AGAP1: variants seen among roughly 807,000 people sequenced by gnomAD.
AGAP1 encodes ArfGAP with GTPase domain, ankyrin repeat and PH domain 1.
A neutral mutation model predicts 105.3 loss-of-function variants in AGAP1; 29 were observed. The observed-to-expected ratio is 0.28, with a 90% CI of 0.21 to 0.38. AGAP1 has a LOEUF of 0.38. Ranked by LOEUF, AGAP1 falls within the 10% of genes least tolerant of loss-of-function variation. The pLI is 1.00. For synonymous variants in AGAP1, 509 were observed against 485.9 expected (o/e 1.05, Z -0.63); for missense variants, 998 against 1,165.1 (o/e 0.86, Z 2.09).
intron 11 of AGAP1, among the ~76,000 whole-genome samples, chr2:235,929,244 A>G (rs1181329739): frequency 6.6e-6 from 1 of 151,996 alleles, no homozygotes; most frequent in Non-Finnish European, 1.5e-5. Flanking sequence ...TTTTTAATTA[A>G]TGTGCACACA....
chr2:236,013,204 T>C (rs930522760), intron 13 of AGAP1, among the ~76,000 whole-genome samples: 1 of 152,238 alleles, frequency 6.6e-6, no homozygotes, highest in Non-Finnish European at 1.5e-5. Flanking sequence ...AGAATTGTAT[T>C]TGCTTCCTTA....
chr2:236,029,845 C>T (rs1402291579), intron 13 of AGAP1, among the ~76,000 whole-genome samples: 1 of 151,960 alleles, frequency 6.6e-6, no homozygotes, highest in African/African-American at 2.4e-5. Flanking sequence ...CTCAAGTGAG[C>T]CTCCCACCTC....
intron 6 of AGAP1, among the ~76,000 whole-genome samples, chr2:235,782,271 A>AT (rs1956313711): frequency 6.9e-6 from 1 of 145,660 alleles, no homozygotes. Context: ...TTTTTTTTGT[A>AT]TTTTTTCCAT....
At chr2:235,966,340 C>G (rs1200810777) in intron 12 of AGAP1, among the ~76,000 whole-genome samples, 1 of 151,070 alleles carries the variant, frequency 6.6e-6, no homozygotes, top group Non-Finnish European at 1.5e-5. Flanking sequence ...GAGAGGGGAG[C>G]CTGTTCCTCT....
At chr2:235,944,891 T>C (rs979365445) in intron 12 of AGAP1, among the ~76,000 whole-genome samples, 1 of 152,198 alleles carries the variant, frequency 6.6e-6, no homozygotes, top group African/African-American at 2.4e-5. Flanking sequence ...TCTGAAGCAG[T>C]CAAGGTTTGG....
intron 1 of AGAP1, among the ~76,000 whole-genome samples, chr2:235,653,116 C>T (rs1485895001): frequency 6.6e-6 from 1 of 152,128 alleles, no homozygotes. Context: ...CCATTTGCTG[C>T]ATTGTAAAGA....
intron 16 of AGAP1, among the ~76,000 whole-genome samples, chr2:236,059,161 TAA>T (rs3030746): frequency 6.9e-6 from 1 of 143,892 alleles, no homozygotes. Context: ...ACCGTATCTT[TAA>T]AAAAAAAAAA....
intron 17 of AGAP1, among the ~76,000 whole-genome samples, chr2:236,122,372 A>G (rs73127554): frequency 0.039 from 5,881 of 152,092 alleles, 370 homozygotes; most frequent in African/African-American, 0.13. Context: ...GGACTTAAAC[A>G]TGTGAATTGT....
At chr2:235,892,095 A>G (rs1575711182) in intron 10 of AGAP1, among the ~76,000 whole-genome samples, 1 of 152,052 alleles carries the variant, frequency 6.6e-6, no homozygotes, top group East Asian at 1.9e-4. Flanking sequence ...CGGAGGTTGC[A>G]GTGAGCCGAC....
intron 6 of AGAP1, among the ~76,000 whole-genome samples, chr2:235,785,247 G>A (rs75077813): frequency 9.6e-4 from 146 of 152,336 alleles, no homozygotes; most frequent in African/African-American, 3.1e-3. Flanking sequence ...GAAGCTATCC[G>A]AAGGAGAGTG....
chr2:235,494,691 A>G lies in AGAP1; in HGVS notation c.5A>G (p.Asn2Ser), dbSNP rs748090981. The G allele has an allele frequency of 3.3e-6, 5 of 1,510,052 alleles. No homozygotes were observed. The highest frequency in any genetic ancestry group is 4.4e-6 in the Non-Finnish European group (5 of 1,124,624). The allele number at this position is 1,510,052 out of a possible 1,614,324, so 93.5% of individuals were successfully genotyped here. Residue 2 changes from asparagine (N) to serine (S), a missense_variant, in exon 1 of 18, where the codon AAC becomes AGC. This residue lies in a region of AGAP1 where 735 missense variants were observed against 833.4 expected (regional missense o/e 0.88). Transcript: ENST00000304032. M[N>S]YQQQLANSAA... ...TCCGGGCGCGGCGCCTGCACCATGA[A>G]CTACCAGCAGCAGCTGGCCAACTCG...
intron 1 of AGAP1, among the ~76,000 whole-genome samples, chr2:235,681,738 G>A (rs1370809798): frequency 2.0e-5 from 3 of 151,646 alleles, no homozygotes; most frequent in South Asian, 4.2e-4. Context: ...ACTTTTTAAG[G>A]TTGATTGTTA....
In AGAP1 at chr2:235,767,247, T is replaced by C. The variant is rs1227872993; in HGVS notation, c.673+16759T>C. Among the ~76,000 whole-genome samples the C allele has an allele frequency of 4.7e-5, 7 of 148,936 alleles. No homozygotes were observed. In the East Asian group the frequency reaches 1.2e-3, roughly 25 times the overall value. ...TTATAGAGTATAATAAATGGACTTA[T>C]TATTTAGCCCATCATTCTCTCTTAA... is the stretch of plus-strand genomic sequence containing the variant. On this transcript the variant is annotated intron_variant, in intron 6 of 17. Coordinates refer to ENST00000304032, the MANE Select transcript of AGAP1 (RefSeq NM_001037131.3).
chr2:235,956,110 CAG>C (rs2053938431), intron 12 of AGAP1, among the ~76,000 whole-genome samples: 1 of 152,160 alleles, frequency 6.6e-6, no homozygotes, highest in African/African-American at 2.4e-5. Flanking sequence ...ACACGTGAAA[CAG>C]AATCTCTTTT....
At chr2:235,849,936 C>T (rs1961990784) in intron 9 of AGAP1, among the ~76,000 whole-genome samples, 1 of 152,216 alleles carries the variant, frequency 6.6e-6, no homozygotes, top group African/African-American at 2.4e-5. Context: ...TTTCTTGGTC[C>T]TGCCTTTCTC....
chr2:235,647,892 C>T (rs895470125), intron 1 of AGAP1, among the ~76,000 whole-genome samples: 4 of 152,028 alleles, frequency 2.6e-5, no homozygotes, highest in Admixed American at 6.6e-5. Context: ...ACCATCACAC[C>T]GCCACTAATT....
chr2:235,947,295 G>T (rs540346522), intron 12 of AGAP1, among the ~76,000 whole-genome samples: 1 of 152,036 alleles, frequency 6.6e-6, no homozygotes, highest in Non-Finnish European at 1.5e-5. Context: ...TCATAGCTTA[G>T]CTCCCACTTA....
rs2054050441 is a variant in AGAP1, at chr2:235,958,634, C to T, written c.1484-9828C>T. Reference sequence around the variant, plus strand: ...TCGGAGGAGAGTTAATTGTAAGGTTCGATATGGCATCTTGTCAGCAGAGAT... The same window carrying T: ...TCGGAGGAGAGTTAATTGTAAGGTTTGATATGGCATCTTGTCAGCAGAGAT... On this transcript the variant is annotated intron_variant, in intron 12 of 17. Coordinates refer to ENST00000304032, the MANE Select transcript of AGAP1 (RefSeq NM_001037131.3). This position sits in a 1 kb window ranked among gnomAD's most constrained non-coding sequence, Gnocchi z 4.1. Among the ~76,000 whole-genome samples the T allele has an allele frequency of 1.3e-5, 2 of 152,052 alleles. No individual in the cohort carries two copies. The highest frequency in any genetic ancestry group is 2.9e-5 in the Non-Finnish European group (2 of 68,024).
In AGAP1 at chr2:235,631,747, G is replaced by C. The variant is rs1171315685; in HGVS notation, c.164-77432G>C. ...CTGTGAGGTGACACACGGAGCCTTG[G>C]AGCTGCCTGTGGCAGGTGGCGGTGC... On this transcript the variant is annotated intron_variant, in intron 1 of 17. Transcript: ENST00000304032. The surrounding 1 kb of genome is among the most constrained non-coding windows in gnomAD (Gnocchi z 5.4). Among the ~76,000 whole-genome samples the C allele has an allele frequency of 6.6e-6, 1 of 152,224 alleles. No individual in the cohort carries two copies. Among genetic ancestry groups the C allele is most frequent in the East Asian group, 1.9e-4 (1 of 5,188 alleles).
Sources: allele counts gnomAD v4.1 joint callset (sites outside exome capture counted in the v4.1 genomes callset), GRCh38; gene constraint gnomAD v4.1.1; regional missense constraint gnomAD v4.1.1; non-coding constraint Gnocchi (gnomAD v3.1); transcripts MANE v1.5; gene names NCBI Gene and HGNC (gene_info 2026-07-23, HGNC 2026-07-21).